CHN1: variants seen among roughly 807,000 people sequenced by gnomAD.
The protein encoded by CHN1 is N-chimaerin.
Under a neutral mutation model 59.5 loss-of-function variants are expected in CHN1, and 37 were observed. That is an observed-to-expected ratio of 0.62 (90% CI 0.48 to 0.82). CHN1 has a LOEUF of 0.82. Ranked by LOEUF, CHN1 falls within the 40% of genes least tolerant of loss-of-function variation. The pLI is 0.00. For missense variants in CHN1, 469 were observed against 571.0 expected, an observed-to-expected ratio of 0.82 and a Z score of 1.82; for synonymous variants, 206 against 200.4, an observed-to-expected ratio of 1.03 and a Z score of -0.24.
At position 174,912,704 on chromosome 2, in the gene CHN1, T is replaced by C. The variant is rs1458346764; in HGVS notation, c.260+2354A>G. Among the ~76,000 whole-genome samples the C allele has an allele frequency of 3.3e-5, 5 of 152,182 alleles. No homozygotes were observed. In the East Asian group the frequency reaches 7.7e-4, roughly 23 times the overall value. ...AGAATAATACATATATCGGTGCAAC[T>C]TCTATTTCAGACTTTGCTTAACACT... On this transcript the variant is annotated intron_variant, in intron 5 of 12. Coordinates refer to ENST00000409900, the MANE Select transcript of CHN1 (RefSeq NM_001822.7).
At chr2:174,819,771 G>A (rs1402750011) in intron 8 of CHN1, among the ~76,000 whole-genome samples, 5 of 148,920 alleles carry the variant, frequency 3.4e-5, no homozygotes, top group African/African-American at 7.5e-5. Flanking sequence ...CTATTAACTC[G>A]TCATTTAGCA....
intron 5 of CHN1, among the ~76,000 whole-genome samples, chr2:174,903,473 C>A (rs1021915738): frequency 2.0e-5 from 3 of 151,806 alleles, no homozygotes; most frequent in African/African-American, 7.3e-5. Flanking sequence ...TTATGCATGA[C>A]CAGTTTCTGG....
At chr2:174,886,393 C>A (rs527931333) in intron 5 of CHN1, among the ~76,000 whole-genome samples, 4 of 152,224 alleles carry the variant, frequency 2.6e-5, no homozygotes, top group Admixed American at 6.5e-5. Flanking sequence ...CTTTCTCTTA[C>A]CTAAATTGAC....
At chr2:174,993,605 G>A (rs1691618480) in intron 1 of CHN1, among the ~76,000 whole-genome samples, 1 of 149,746 alleles carries the variant, frequency 6.7e-6, no homozygotes, top group Admixed American at 6.7e-5. Context: ...CAGTGCTTGA[G>A]AGGGTACCAA....
In CHN1 at chr2:174,850,522, T is replaced by C. The variant is rs560982707; in HGVS notation, c.550-3565A>G. ...CAGGTTACTGGGAAGTTTAAAGAAA[T>C]GACATACAAAAAAGATTATCTGCAG... On this transcript the variant is annotated intron_variant, in intron 6 of 12. Coordinates refer to ENST00000409900, the MANE Select transcript of CHN1 (RefSeq NM_001822.7). Among the ~76,000 whole-genome samples the C allele has an allele frequency of 1.1e-4, 16 of 152,228 alleles. No homozygotes were observed. The South Asian group carries it at 3.3e-3, about 32-fold the overall frequency.
rs1465734822 is a variant in CHN1 at position 175,005,249 on chromosome 2, AGGCGGCGCCGCACTGGCGGCGGCGGC to A, written c.-363_-338del. On this transcript the variant is annotated 5_prime_UTR_variant, in exon 1 of 13. It introduces an in-frame stop codon into an upstream open reading frame of the 5' UTR. Transcript: ENST00000409900. ...GGCCGCGGCGCAGTGGCTGGCGGAG[AGGCGGCGCCGCACTGGCGGCGGCGGC>A]GGCGGCGACGGGGAGAGCAGCAGCA... is the stretch of plus-strand genomic sequence containing the variant. 8.5e-6 allele frequency: 10 copies of A among 1,172,904 alleles called. No individual in the cohort carries two copies. The Admixed American group carries it at 2.1e-4, about 24-fold the overall frequency. The allele number at this position is 1,172,904 out of a possible 1,614,324, so 72.7% of individuals were successfully genotyped here. A position where few individuals can be genotyped will look rare whatever the true frequency, so the allele number is the denominator to read the frequency against.
chr2:174,883,029 C>T (rs1687781245), intron 5 of CHN1, among the ~76,000 whole-genome samples: 1 of 152,162 alleles, frequency 6.6e-6, no homozygotes, highest in Admixed American at 6.5e-5. Context: ...ATTATGTCAA[C>T]ACATAATGAT....
Position 174,815,504 on chromosome 2 carries a change from G to A in CHN1, c.713-3022C>T, listed in dbSNP as rs149262034. Among the ~76,000 whole-genome samples, 622 of 151,756 alleles carry A rather than the reference G, an allele frequency of 4.1e-3. 1 individual carries two copies. The highest frequency in any genetic ancestry group is 6.0e-3 in the Non-Finnish European group (405 of 67,952). On this transcript the variant is annotated intron_variant, in intron 8 of 12. Coordinates refer to ENST00000409900, the MANE Select transcript of CHN1 (RefSeq NM_001822.7). ...TATTCTGCTATTAAGCCCATAATCC[G>A]GTGAGTTCCTTTTAGTTATTATATT...
At position 175,005,080 on chromosome 2, in the gene CHN1, G is replaced by A. The variant is rs1401155267; in HGVS notation, c.-168C>T. On this transcript the variant is annotated 5_prime_UTR_variant, in exon 1 of 13. Transcript: ENST00000409900. ...GCTGCAGGCCGGGACGCGGGGGACC[G>A]CTGCAAGAAAAAGTTATTCACGCGT... is the stretch of plus-strand genomic sequence containing the variant. 1.5e-6 allele frequency: 2 copies of A among 1,335,472 alleles called. No homozygotes were observed. Among genetic ancestry groups the A allele is most frequent in the Non-Finnish European group, 1.9e-6 (2 of 1,041,612 alleles). 82.7% of individuals were successfully genotyped at this position (1,335,472 alleles called of 1,614,324 possible).
In CHN1 at chr2:174,800,279, A is replaced by C. The variant is rs751836428; in HGVS notation, c.1217T>G (p.Leu406Arg). The change falls in exon 13 of 13, where the codon CTC (leucine) becomes CGC (arginine). Residue 406 changes from leucine to arginine, a missense_variant. By Grantham distance (102) the Leu-to-Arg change is moderately radical. Coordinates refer to ENST00000409900, the MANE Select transcript of CHN1 (RefSeq NM_001822.7). ...ATTCATAAGATTCTCCTTTTCGTGGAGGGTCACTCTGAAAAATGCAAGTAC... is the reference window on the plus strand; with the variant it reads ...ATTCATAAGATTCTCCTTTTCGTGGCGGGTCACTCTGAAAAATGCAAGTAC... Reference protein sequence around the residue: ...YLMAHLKRVTLHEKENLMNAE... With the variant: ...YLMAHLKRVTRHEKENLMNAE... 3 of 1,433,442 alleles carry C rather than the reference A, an allele frequency of 2.1e-6. No individual in the cohort carries two copies. In the African/African-American group the frequency reaches 4.3e-5, roughly 20 times the overall value. The allele number at this position is 1,433,442 out of a possible 1,614,324, so 88.8% of individuals were successfully genotyped here. A position where few individuals can be genotyped will look rare whatever the true frequency, so the allele number is the denominator to read the frequency against.
chr2:174,970,208 G>A (rs1330048025), intron 1 of CHN1, among the ~76,000 whole-genome samples: 3 of 152,190 alleles, frequency 2.0e-5, no homozygotes, highest in Non-Finnish European at 4.4e-5. Flanking sequence ...AGCACCATCT[G>A]TTGTTGTATA....
At chr2:174,890,767 C>G (rs1688020165) in intron 5 of CHN1, among the ~76,000 whole-genome samples, 1 of 152,076 alleles carries the variant, frequency 6.6e-6, no homozygotes, top group Admixed American at 6.5e-5. Flanking sequence ...CACCAAACAG[C>G]AGAAGAATGC....
chr2:174,873,058 G>C (rs1687460530), intron 6 of CHN1, among the ~76,000 whole-genome samples: 1 of 151,600 alleles, frequency 6.6e-6, no homozygotes. Context: ...TCTTAAGGAG[G>C]CTGTTTATAC....
intron 6 of CHN1, among the ~76,000 whole-genome samples, chr2:174,860,984 A>C (rs1423516076): frequency 6.6e-6 from 1 of 152,174 alleles, no homozygotes; most frequent in Non-Finnish European, 1.5e-5. Context: ...GCAGTTTATA[A>C]ACTCTCCTCC....
chr2:174,825,636 A>C (rs1315693894), intron 7 of CHN1, among the ~76,000 whole-genome samples: 6 of 152,208 alleles, frequency 3.9e-5, no homozygotes, highest in Non-Finnish European at 8.8e-5. Flanking sequence ...TGAACATTAA[A>C]AAATAATAAA....
chr2:174,965,076 C>T (rs989052054), intron 1 of CHN1, among the ~76,000 whole-genome samples: 2 of 151,938 alleles, frequency 1.3e-5, no homozygotes, highest in Non-Finnish European at 2.9e-5. Context: ...TAATTTATAA[C>T]ATTATAGTTA....
At chr2:174,880,400 C>A (rs1687697096) in intron 5 of CHN1, among the ~76,000 whole-genome samples, 1 of 152,216 alleles carries the variant, frequency 6.6e-6, no homozygotes, top group African/African-American at 2.4e-5. Flanking sequence ...AGCACCACAG[C>A]ACAGACTGTC....
chr2:174,828,939 C>T (rs976820568), intron 7 of CHN1, among the ~76,000 whole-genome samples: 9 of 152,172 alleles, frequency 5.9e-5, no homozygotes, highest in Non-Finnish European at 1.3e-4. Context: ...CACCCTATTA[C>T]ATTATTAGCG....
intron 6 of CHN1, among the ~76,000 whole-genome samples, chr2:174,866,624 T>C (rs1687224313): frequency 6.6e-6 from 1 of 152,236 alleles, no homozygotes; most frequent in Non-Finnish European, 1.5e-5. Context: ...AAAATAGTTC[T>C]GGTTTAAATA....
Sources: allele counts gnomAD v4.1 joint callset (sites outside exome capture counted in the v4.1 genomes callset), GRCh38; gene constraint gnomAD v4.1.1; transcripts MANE v1.5; gene names NCBI Gene and HGNC (gene_info 2026-07-23, HGNC 2026-07-21).